Variants in GALNT13 observed in about 807,000 individuals in gnomAD.
GALNT13 encodes the protein UDP-GalNAc:polypeptide N-acetylgalactosaminyltransferase 13.
Under a neutral mutation model 64.2 loss-of-function variants are expected in GALNT13, and 28 were observed. The observed-to-expected ratio is 0.44, with a 90% CI of 0.32 to 0.60. GALNT13 has a LOEUF of 0.60. GALNT13 is among the 20% of genes least tolerant of loss of function. The probability of loss-of-function intolerance (pLI) is 0.05; values close to 1 mark genes in which losing one functional copy is unlikely to be tolerated. For synonymous variants in GALNT13, 214 were observed against 224.6 expected (o/e 0.95, Z 0.42); for missense variants, 577 against 669.8 (o/e 0.86, Z 1.53).
intron 1 of GALNT13, among the ~76,000 whole-genome samples, chr2:153,881,774 C>A (rs984782268): frequency 6.6e-6 from 1 of 152,170 alleles, no homozygotes; most frequent in Non-Finnish European, 1.5e-5. Context: ...TCATTTTCCA[C>A]AAACAGAACA....
At chr2:153,900,202 A>G (rs16835348) in intron 1 of GALNT13, among the ~76,000 whole-genome samples, 8,344 of 152,164 alleles carry the variant, frequency 0.055, 332 homozygotes, top group South Asian at 0.11. Flanking sequence ...GTTCTTTTAT[A>G]ACACCGTATA....
At chr2:154,191,920 G>C (rs1168856168) in intron 4 of GALNT13, among the ~76,000 whole-genome samples, 4 of 152,190 alleles carry the variant, frequency 2.6e-5, no homozygotes, top group Non-Finnish European at 4.4e-5. Context: ...AGGGCTTTCT[G>C]TATCCCAGGG....
At chr2:154,325,749 T>C (rs1367911555) in intron 9 of GALNT13, among the ~76,000 whole-genome samples, 3 of 150,652 alleles carry the variant, frequency 2.0e-5, no homozygotes, top group African/African-American at 7.4e-5. Flanking sequence ...TTTTTAAAAC[T>C]AGATACTTTT....
chr2:153,910,565 G>C (rs753969785), intron 2 of GALNT13, among the ~76,000 whole-genome samples: 1 of 151,862 alleles, frequency 6.6e-6, no homozygotes, highest in African/African-American at 2.4e-5. Flanking sequence ...TTTTGATGTG[G>C]GCATTTTGTG....
chr2:153,295,710 A>G, the GALNT13 span, among the ~76,000 whole-genome samples: 2 of 152,130 alleles, frequency 1.3e-5, no homozygotes, highest in African/African-American at 2.4e-5. Context: ...TCTCACTAGC[A>G]CCAGCATCAC....
At chr2:153,806,083 G>C in the GALNT13 span, among the ~76,000 whole-genome samples, 68 of 152,132 alleles carry the variant, frequency 4.5e-4, no homozygotes, top group Non-Finnish European at 3.2e-4. Context: ...TGACATCCAG[G>C]TAGTCTTAAA....
chr2:153,400,761 C>T, the GALNT13 span, among the ~76,000 whole-genome samples: 122 of 152,050 alleles, frequency 8.0e-4, no homozygotes, highest in African/African-American at 2.4e-3. Context: ...TCTGTGGGAT[C>T]GGTGGTGATA....
At chr2:154,437,895 A>T in intron 11 of GALNT13, 1 of 211,272 alleles carries the variant, frequency 4.7e-6, no homozygotes, top group Middle Eastern at 1.2e-3. Flanking sequence ...TTAATAATCA[A>T]TGTTGTAAAT....
chr2:153,206,088 C>T, the GALNT13 span, among the ~76,000 whole-genome samples: 2 of 152,042 alleles, frequency 1.3e-5, no homozygotes, highest in South Asian at 2.1e-4. Context: ...GTATGATTCT[C>T]TTTTATACAT....
chr2:153,429,215 A>G, the GALNT13 span, among the ~76,000 whole-genome samples: 1 of 152,190 alleles, frequency 6.6e-6, no homozygotes, highest in Non-Finnish European at 1.5e-5. Flanking sequence ...GTGGAAACAT[A>G]TTGAAGAAGA....
At chr2:154,193,807 T>G (rs1479061708) in intron 4 of GALNT13, among the ~76,000 whole-genome samples, 1 of 152,196 alleles carries the variant, frequency 6.6e-6, no homozygotes, top group African/African-American at 2.4e-5. Context: ...CTATACTGTT[T>G]TGGGAAAATT....
At chr2:154,067,032 C>T (rs1700503605) in intron 3 of GALNT13, among the ~76,000 whole-genome samples, 1 of 151,932 alleles carries the variant, frequency 6.6e-6, no homozygotes, top group Non-Finnish European at 1.5e-5. Context: ...ATTGCTTTTC[C>T]TGTTTGTTTG....
the GALNT13 span, among the ~76,000 whole-genome samples, chr2:153,669,823 T>G: frequency 6.6e-6 from 1 of 152,298 alleles, no homozygotes; most frequent in East Asian, 1.9e-4. Context: ...GCCCAAATAC[T>G]GCACTTTTCC....
intron 3 of GALNT13, among the ~76,000 whole-genome samples, chr2:154,100,696 T>C (rs1294011094): frequency 6.6e-6 from 1 of 152,104 alleles, no homozygotes; most frequent in Non-Finnish European, 1.5e-5. Flanking sequence ...GCCTTTTATT[T>C]CTTTCTCTTA....
intron 9 of GALNT13, among the ~76,000 whole-genome samples, chr2:154,354,698 C>G (rs970389256): frequency 3.3e-5 from 5 of 151,858 alleles, no homozygotes; most frequent in Non-Finnish European, 5.9e-5. Flanking sequence ...ATTGTGTTCT[C>G]TTGGTGCCCT....
the GALNT13 span, among the ~76,000 whole-genome samples, chr2:153,515,273 C>T: frequency 3.3e-5 from 5 of 152,250 alleles, no homozygotes; most frequent in East Asian, 1.9e-4. Context: ...TTTCCCAGCC[C>T]GATGACCCCA....
At chr2:154,005,108 A>C (rs1156236126) in intron 3 of GALNT13, among the ~76,000 whole-genome samples, 2 of 152,114 alleles carry the variant, frequency 1.3e-5, no homozygotes, top group African/African-American at 4.8e-5. Context: ...TAATTACTAC[A>C]TATGTTTCGA....
chr2:153,656,301 T>C, the GALNT13 span, among the ~76,000 whole-genome samples: 1 of 143,724 alleles, frequency 7.0e-6, no homozygotes. Flanking sequence ...TTGACCACTT[T>C]TGGTTGACTT....
chr2:154,018,156 A>C (rs539029976), intron 3 of GALNT13, among the ~76,000 whole-genome samples: 1 of 152,366 alleles, frequency 6.6e-6, no homozygotes, highest in East Asian at 1.9e-4. Context: ...ATCTCAGTAC[A>C]TTCGCAACTG....
Sources: allele counts gnomAD v4.1 joint callset (sites outside exome capture counted in the v4.1 genomes callset), GRCh38; gene constraint gnomAD v4.1.1; transcripts MANE v1.5; gene names NCBI Gene and HGNC (gene_info 2026-07-23, HGNC 2026-07-21).